Variants in IFNGR2 observed in about 807,000 individuals in gnomAD.
IFNGR2 encodes the protein IFN-gamma receptor 2.
IFNGR2 carries 15 observed loss-of-function variants against 41.1 expected under a neutral mutation model. That is an observed-to-expected ratio of 0.37 (90% CI 0.24 to 0.56). The LOEUF is 0.56. Ranked by LOEUF, IFNGR2 falls within the 20% of genes least tolerant of loss-of-function variation. The probability of loss-of-function intolerance (pLI) is 0.81; values close to 1 mark genes in which losing one functional copy is unlikely to be tolerated. For synonymous variants in IFNGR2, 161 were observed against 171.6 expected, an observed-to-expected ratio of 0.94 and a Z score of 0.48; for missense variants, 362 against 415.7, an observed-to-expected ratio of 0.87 and a Z score of 1.12.
At chr21:33,423,287 C>A (rs1178993262) in intron 3 of IFNGR2, among the ~76,000 whole-genome samples, 1 of 151,678 alleles carries the variant, frequency 6.6e-6, no homozygotes, top group Non-Finnish European at 1.5e-5. Context: ...GATCCGCCCG[C>A]CTCGGCCTCC....
intron 2 of IFNGR2, among the ~76,000 whole-genome samples, chr21:33,418,245 C>A (rs1275525774): frequency 6.6e-6 from 1 of 152,076 alleles, no homozygotes; most frequent in East Asian, 1.9e-4. Flanking sequence ...TTAGTAGAGA[C>A]AGCTTTTCAC....
At chr21:33,417,782 G>A (rs1224647279) in intron 2 of IFNGR2, among the ~76,000 whole-genome samples, 3 of 151,956 alleles carry the variant, frequency 2.0e-5, no homozygotes, top group Non-Finnish European at 2.9e-5. Flanking sequence ...TGAGAGTCAC[G>A]GCTGATGTAT....
intron 1 of IFNGR2, among the ~76,000 whole-genome samples, chr21:33,414,016 A>G (rs986765103): frequency 1.8e-4 from 27 of 151,956 alleles, no homozygotes; most frequent in African/African-American, 6.3e-4. Context: ...TATTTTTAGT[A>G]GAGACAGAGT....
At chr21:33,427,844 C>CTTTTTTTTT (rs71194844) in intron 4 of IFNGR2, among the ~76,000 whole-genome samples, 2 of 125,508 alleles carry the variant, frequency 1.6e-5, no homozygotes, top group African/African-American at 2.9e-5. Context: ...CTCATTTCAT[C>CTTTTTTTTT]TTTTTTTTTT....
intron 5 of IFNGR2, 41 bp from the exon 6 acceptor site, chr21:33,432,673 G>T: frequency 6.2e-7 from 1 of 1,605,610 alleles, no homozygotes; most frequent in Non-Finnish European, 8.5e-7. Flanking sequence ...TGTGTTGTGC[G>T]TAGGAAGATC....
At chr21:33,413,145 T>G (rs1409433805) in intron 1 of IFNGR2, among the ~76,000 whole-genome samples, 1 of 152,186 alleles carries the variant, frequency 6.6e-6, no homozygotes, top group East Asian at 1.9e-4. Context: ...TGTGTGACTG[T>G]GAGGGAGCAT....
At chr21:33,432,565 TA>T in intron 5 of IFNGR2, 148 bp from the exon 6 acceptor site, 1 of 942,690 alleles carries the variant, frequency 1.1e-6, no homozygotes, top group Non-Finnish European at 1.7e-6. Flanking sequence ...GCTATTAATG[TA>T]AGCATACCAG....
At position 33,436,955 on chromosome 21, in the gene IFNGR2, C is replaced by T. The variant is rs763384272; in HGVS notation, c.1007C>T (p.Thr336Met). The change falls in exon 7 of 7, where the codon ACG becomes ATG. Residue 336 changes from threonine (T) to methionine (M), a missense_variant. Transcript: ENST00000290219. ...PEKEQEDVLQ[T>M]L ...AAGGAGCAAGAAGATGTTCTCCAAA[C>T]GCTTTGAACCAAAGCATGGGCCTAG... 3.2e-5 allele frequency: 51 copies of T among 1,613,844 alleles called. No homozygotes were observed. Among genetic ancestry groups the T allele is most frequent in the African/African-American group, 4.0e-5 (3 of 74,888 alleles).
intron 2 of IFNGR2, among the ~76,000 whole-genome samples, chr21:33,416,774 A>T (rs1472622340): frequency 1.1e-4 from 17 of 149,974 alleles, no homozygotes; most frequent in Non-Finnish European, 2.1e-4. Flanking sequence ...GTGAACCGAG[A>T]TCGTGCCACT....
At chr21:33,425,271 G>A (rs1181592162) in intron 3 of IFNGR2, among the ~76,000 whole-genome samples, 1 of 152,130 alleles carries the variant, frequency 6.6e-6, no homozygotes, top group African/African-American at 2.4e-5. Flanking sequence ...TTCGTGGAAA[G>A]GCCATTTACC....
chr21:33,414,134 G>A (rs777481434), intron 1 of IFNGR2, among the ~76,000 whole-genome samples: 88 of 152,174 alleles, frequency 5.8e-4, no homozygotes, highest in Non-Finnish European at 4.0e-4. Flanking sequence ...AGCTCGGGCC[G>A]TGTTGTCCTC....
chr21:33,432,148 C>G, intron 4 of IFNGR2, 29 bp from the exon 5 acceptor site: 2 of 1,606,388 alleles, frequency 1.2e-6, no homozygotes, highest in Non-Finnish European at 1.7e-6. Context: ...TGTTCATTTA[C>G]ATGTGTGCTT....
chr21:33,405,081 G>A (rs1454538853), intron 1 of IFNGR2, among the ~76,000 whole-genome samples: 12 of 146,148 alleles, frequency 8.2e-5, no homozygotes, highest in Admixed American at 2.8e-4. Context: ...CCGCCTGGGC[G>A]ACAGAGCAAG....
chr21:33,432,959 C>A, intron 6 of IFNGR2, 88 bp downstream of exon 6: 1 of 1,097,116 alleles, frequency 9.1e-7, no homozygotes, highest in South Asian at 1.3e-5. Flanking sequence ...AATCTCTGCT[C>A]ACTGCAGCCT....
chr21:33,405,333 GTATCTCC>G (rs1297087288), intron 1 of IFNGR2, among the ~76,000 whole-genome samples: 1 of 152,104 alleles, frequency 6.6e-6, no homozygotes, highest in Non-Finnish European at 1.5e-5. Flanking sequence ...CATAAGTTCC[GTATCTCC>G]TTGATCTGGG....
At chr21:33,436,698 G>T in intron 6 of IFNGR2, 130 bp from the exon 7 acceptor site, 1 of 699,012 alleles carries the variant, frequency 1.4e-6, no homozygotes, top group Non-Finnish European at 2.3e-6. Flanking sequence ...CTCCAGCCTA[G>T]GCAAGAGTAA....
intron 1 of IFNGR2, among the ~76,000 whole-genome samples, chr21:33,404,682 G>T (rs1166644990): frequency 1.3e-5 from 2 of 152,166 alleles, no homozygotes; most frequent in Admixed American, 1.3e-4. Flanking sequence ...ACCCGCCTTG[G>T]CCTCTGAAAG....
intron 6 of IFNGR2, 85 bp downstream of exon 6, chr21:33,432,956 GCT>G: frequency 9.0e-7 from 1 of 1,110,636 alleles, no homozygotes; most frequent in South Asian, 1.3e-5. Flanking sequence ...TACAATCTCT[GCT>G]CACTGCAGCC....
chr21:33,423,126 A>G (rs1601081822), intron 3 of IFNGR2, among the ~76,000 whole-genome samples: 1 of 128,750 alleles, frequency 7.8e-6, no homozygotes, highest in Non-Finnish European at 1.6e-5. Flanking sequence ...TGCAAGCTCC[A>G]CCTCCCAGGT....
Sources: gnomAD v4.1 joint callset for allele counts (sites outside exome capture counted in the v4.1 genomes callset) on GRCh38, gnomAD v4.1.1 for gene constraint, MANE v1.5 for transcripts, NCBI Gene and HGNC (gene_info 2026-07-23, HGNC 2026-07-21) for gene names.